The following TCF7 variants were observed in gnomAD, a reference collection of about 807,000 sequenced individuals.
The protein encoded by TCF7 is T-cell-factor-7.
A neutral mutation model predicts 46.8 loss-of-function variants in TCF7; 19 were observed. The ratio of observed to expected loss-of-function variants is 0.41; its 90% CI spans 0.28 to 0.60. TCF7 has a LOEUF of 0.60. TCF7 is among the 20% of genes least tolerant of loss of function. The pLI is 0.35. For synonymous variants in TCF7, 245 were observed against 213.4 expected, an observed-to-expected ratio of 1.15 and a Z score of -1.29; for missense variants, 547 against 504.6, an observed-to-expected ratio of 1.08 and a Z score of -0.81.
At chr5:134,124,906 C>T (rs920348349) in intron 3 of TCF7, among the ~76,000 whole-genome samples, 1 of 152,198 alleles carries the variant, frequency 6.6e-6, no homozygotes, top group Non-Finnish European at 1.5e-5. Flanking sequence ...ATCACCTCCT[C>T]CCAGGAAACC....
At chr5:134,145,434 G>A in intron 9 of TCF7, 1 of 562,384 alleles carries the variant, frequency 1.8e-6, no homozygotes, top group Non-Finnish European at 3.4e-6. Context: ...GCTGTCTGAG[G>A]GAAAGGGCTC....
intron 3 of TCF7, among the ~76,000 whole-genome samples, chr5:134,121,025 G>C (rs992866015): frequency 6.6e-6 from 1 of 152,138 alleles, no homozygotes; most frequent in Non-Finnish European, 1.5e-5. Flanking sequence ...CGTGGACTTG[G>C]GCACGGAGGG....
At position 134,115,099 on chromosome 5, in the gene TCF7, G is replaced by A. The variant is rs1350428154; in HGVS notation, c.193G>A (p.Gly65Ser). ...GAACGAGTCCGAGGGCGCGGCCGGCGGCGCAGGGATCCCGGGGGTCCCGGG... is the reference window on the plus strand; with the variant it reads ...GAACGAGTCCGAGGGCGCGGCCGGCAGCGCAGGGATCCCGGGGGTCCCGGG... ...LVNESEGAAG[G>S]AGIPGVPGAG... Residue 65 changes from glycine to serine, a missense_variant, in exon 1 of 10, where the codon GGC becomes AGC. Around this residue, in one of 3 missense-constraint regions of TCF7, gnomAD observed 425 missense variants for 349.9 expected, o/e 1.21. Transcript: ENST00000342854. 2 of 1,075,564 alleles carry A rather than the reference G, an allele frequency of 1.9e-6. No homozygotes were observed. Among genetic ancestry groups the A allele is most frequent in the Admixed American group, 4.6e-5 (1 of 21,756 alleles). The allele number at this position is 1,075,564 out of a possible 1,614,324, so 66.6% of individuals were successfully genotyped here. A position where few individuals can be genotyped will look rare whatever the true frequency, so the allele number is the denominator to read the frequency against.
chr5:134,124,522 C>A (rs1044801859), intron 3 of TCF7, among the ~76,000 whole-genome samples: 24 of 152,120 alleles, frequency 1.6e-4, no homozygotes, highest in Non-Finnish European at 2.6e-4. Flanking sequence ...AGGAGGTCAC[C>A]TGCCTGGGCT....
Position 134,146,463 on chromosome 5 carries a change from G to A in TCF7, c.*160G>A, listed in dbSNP as rs770264144. The A allele has an allele frequency of 4.6e-5, 37 of 804,612 alleles. No individual in the cohort carries two copies. In the East Asian group the frequency reaches 5.5e-4, roughly 12 times the overall value. 49.8% of individuals were successfully genotyped at this position (804,612 alleles called of 1,614,324 possible). On this transcript the variant is annotated 3_prime_UTR_variant, in exon 10 of 10. Transcript: ENST00000342854. Reference sequence around the variant, plus strand: ...ACCCCAGGGCCCCCACAGGCCCCCCGCAGCACCCTGCAGAGCACACAGGTA... The same window carrying A: ...ACCCCAGGGCCCCCACAGGCCCCCCACAGCACCCTGCAGAGCACACAGGTA...
At position 134,138,157 on chromosome 5, in the gene TCF7, G is replaced by C; in HGVS notation, c.540G>C (p.Gln180His). ...CCCCTGCACCTGCGGACATCAGCCA[G>C]AAGCAAGGTACAAGCCTGGGATGGG... is the stretch of plus-strand genomic sequence containing the variant. ...HPTPAPADISQKQVHRPLQTP... is the reference protein window; with the variant it reads ...HPTPAPADISHKQVHRPLQTP... Residue 180 changes from glutamine (Q) to histidine (H), a missense_variant, in exon 4 of 10, where the codon CAG (glutamine) becomes CAC (histidine). Physicochemically the swap from Gln to His is conservative, Grantham distance 24. This residue lies in a region of TCF7 where 425 missense variants were observed against 349.9 expected (regional missense o/e 1.21). Coordinates refer to ENST00000342854, the MANE Select transcript of TCF7 (RefSeq NM_003202.5). 6.2e-7 allele frequency: 1 copy of C among 1,613,492 alleles called. No individual in the cohort carries two copies. The highest frequency in any genetic ancestry group is 8.5e-7 in the Non-Finnish European group (1 of 1,179,702).
chr5:134,136,690 G>C (rs114754325), intron 3 of TCF7, among the ~76,000 whole-genome samples: 35 of 152,240 alleles, frequency 2.3e-4, no homozygotes, highest in African/African-American at 8.2e-4. Context: ...CTCACCATGA[G>C]CCACCCTTCT....
Position 134,116,043 on chromosome 5 carries a change from C to T in TCF7, c.441+10C>T. 1 of 1,609,028 alleles carries T rather than the reference C, an allele frequency of 6.2e-7. No individual in the cohort carries two copies. Among genetic ancestry groups the T allele is most frequent in the East Asian group, 2.2e-5 (1 of 44,856 alleles). ...GCCGCAGCCCCCGCTGGTAAGTGGA[C>T]CCCGCAGCCAGTGCCGCCCTGTGCT... On this transcript the variant is annotated intron_variant, in intron 3 of 9. Coordinates refer to ENST00000342854, the MANE Select transcript of TCF7 (RefSeq NM_003202.5).
rs1755595398 is a variant in TCF7, at chr5:134,114,949, G to A, written c.43G>A (p.Asp15Asn). 1.8e-6 allele frequency: 2 copies of A among 1,132,822 alleles called. No individual in the cohort carries two copies. Among genetic ancestry groups the A allele is most frequent in the Non-Finnish European group, 2.2e-6 (2 of 908,264 alleles). The allele number at this position is 1,132,822 out of a possible 1,614,324, so 70.2% of individuals were successfully genotyped here. The change falls in exon 1 of 10, where the codon GAC becomes AAC. Residue 15 changes from aspartate to asparagine, a missense_variant. Around this residue, in one of 3 missense-constraint regions of TCF7, gnomAD observed 425 missense variants for 349.9 expected, o/e 1.21. Transcript: ENST00000342854. ...CGGCGGGGGCGGCGCGGGCGGCGGC[G>A]ACGACCTCGGCGCGCCGGACGAGCT... Reference protein sequence around the residue: ...DSGGGGAGGGDDLGAPDELLA... With the variant: ...DSGGGGAGGGNDLGAPDELLA...
chr5:134,138,011 C>G, intron 3 of TCF7, 48 bp from the exon 4 acceptor site: 1 of 1,456,702 alleles, frequency 6.9e-7, no homozygotes, highest in Non-Finnish European at 9.4e-7. Context: ...CAGTGTCTTC[C>G]TCCCTCAGGA....
intron 1 of TCF7, 42 bp from the exon 2 acceptor site, chr5:134,115,279 G>A: frequency 1.4e-6 from 2 of 1,473,608 alleles, no homozygotes; most frequent in Non-Finnish European, 1.8e-6. Flanking sequence ...CCCGACCCCC[G>A]CGGTCCCACC....
intron 3 of TCF7, among the ~76,000 whole-genome samples, chr5:134,132,785 A>T (rs536564130): frequency 6.6e-6 from 1 of 152,242 alleles, no homozygotes; most frequent in South Asian, 2.1e-4. Context: ...AGCCAGGCCC[A>T]AGCTTGACTT....
Position 134,127,578 on chromosome 5 carries a change from G to A in TCF7, c.442-10481G>A, listed in dbSNP as rs3867426. Among the ~76,000 whole-genome samples the A allele has an allele frequency of 6.5e-3, 983 of 152,338 alleles. 71 individuals are homozygous for A. The East Asian group carries it at 0.17, about 26-fold the overall frequency. On this transcript the variant is annotated intron_variant, in intron 3 of 9. Coordinates refer to ENST00000342854, the MANE Select transcript of TCF7 (RefSeq NM_003202.5). ...TCCTAGGCTCTGAGTCATGGGAAAT[G>A]GCTGGACTGAGGCAGCTGAGGGAGT... is the stretch of plus-strand genomic sequence containing the variant.
Position 134,115,934 on chromosome 5 carries a change from C to G in TCF7, c.342C>G (p.Ser114Arg). 6.2e-7 allele frequency: 1 copy of G among 1,613,992 alleles called. No individual in the cohort carries two copies. Among genetic ancestry groups the G allele is most frequent in the Non-Finnish European group, 8.5e-7 (1 of 1,180,024 alleles). Residue 114 changes from serine (S) to arginine (R), a missense_variant, in exon 3 of 10, where the codon AGC (serine) becomes AGG (arginine). Around this residue, in one of 3 missense-constraint regions of TCF7, gnomAD observed 425 missense variants for 349.9 expected, o/e 1.21. Coordinates refer to ENST00000342854, the MANE Select transcript of TCF7 (RefSeq NM_003202.5). Reference sequence around the variant, plus strand: ...GCCTGAAGGCCCCGGAGTGCACCAGCGGCATGTACAAAGAGACCGTCTACT... The same window carrying G: ...GCCTGAAGGCCCCGGAGTGCACCAGGGGCATGTACAAAGAGACCGTCTACT... ...EDGLKAPECTSGMYKETVYSA... is the reference protein window; with the variant it reads ...EDGLKAPECTRGMYKETVYSA...
chr5:134,132,526 G>A lies in TCF7; in HGVS notation c.442-5533G>A, dbSNP rs115089918. On this transcript the variant is annotated intron_variant, in intron 3 of 9. Coordinates refer to ENST00000342854, the MANE Select transcript of TCF7 (RefSeq NM_003202.5). ...TATCCCCTACCCCCCACAGGCTTGAGGCCAGAGGAAACAGCAACTTTCTTC... is the reference window on the plus strand; with the variant it reads ...TATCCCCTACCCCCCACAGGCTTGAAGCCAGAGGAAACAGCAACTTTCTTC... 4.2e-3 allele frequency among the ~76,000 whole-genome samples: 634 copies of A among 152,310 alleles called. 5 individuals carry two copies. Among genetic ancestry groups the A allele is most frequent in the African/African-American group, 0.015 (605 of 41,572 alleles).
chr5:134,130,851 CT>C (rs1758019140), intron 3 of TCF7, among the ~76,000 whole-genome samples: 1 of 152,194 alleles, frequency 6.6e-6, no homozygotes, highest in African/African-American at 2.4e-5. Context: ...CTGGACTCAA[CT>C]TCAAGGGCCC....
In TCF7 at chr5:134,138,999, C is replaced by T; in HGVS notation, c.596C>T (p.Thr199Ile). The T allele has an allele frequency of 1.2e-6, 2 of 1,614,036 alleles. No individual in the cohort carries two copies. The highest frequency in any genetic ancestry group is 1.3e-5 in the African/African-American group (1 of 75,044). ...TPDLSGFYSL[T>I]SGSMGQLPHT... ...GACCTCTCTGGCTTCTACTCCCTGA[C>T]CTCAGGCAGCATGGGGCAGCTCCCC... The change falls in exon 5 of 10, where the codon ACC becomes ATC. Residue 199 changes from threonine to isoleucine, a missense_variant. By Grantham distance (89) the Thr-to-Ile change is moderately conservative (BLOSUM62 -1). Transcript: ENST00000342854.
chr5:134,109,542 G>A, the TCF7 span, among the ~76,000 whole-genome samples: 1 of 152,156 alleles, frequency 6.6e-6, no homozygotes, highest in Non-Finnish European at 1.5e-5. Context: ...GGCCAAGGTG[G>A]TTGAATCAGC....
intron 9 of TCF7, chr5:134,145,858 C>A: frequency 6.2e-7 from 1 of 1,603,486 alleles, no homozygotes; most frequent in Non-Finnish European, 8.5e-7. Flanking sequence ...ATAGGCATTG[C>A]GGCCCCTTGC....
Sources: gnomAD v4.1 joint callset for allele counts (sites outside exome capture counted in the v4.1 genomes callset) on GRCh38, gnomAD v4.1.1 for gene constraint, gnomAD v4.1.1 regional missense constraint, MANE v1.5 for transcripts, NCBI Gene and HGNC (gene_info 2026-07-23, HGNC 2026-07-21) for gene names.